The following ZNF704 variants were observed in gnomAD, a reference collection of about 807,000 sequenced individuals.
ZNF704 encodes zinc finger protein 704.
Under a neutral mutation model 44.7 loss-of-function variants are expected in ZNF704, and 10 were observed. The ratio of observed to expected loss-of-function variants is 0.22; its 90% CI spans 0.14 to 0.38. ZNF704 has a LOEUF of 0.38. ZNF704 is among the 10% of genes least tolerant of loss of function. ZNF704 has a pLI of 1.00. For synonymous variants in ZNF704, 211 were observed against 207.6 expected (o/e 1.02, Z -0.14); for missense variants, 390 against 545.5 (o/e 0.71, Z 2.84).
At chr8:80,680,973 T>C (rs1369516093) in intron 4 of ZNF704, among the ~76,000 whole-genome samples, 1 of 152,226 alleles carries the variant, frequency 6.6e-6, no homozygotes, top group Non-Finnish European at 1.5e-5. Context: ...CCAGAATGTA[T>C]TCTTTTGTGC....
At chr8:80,722,557 A>T (rs1806391395) in intron 2 of ZNF704, among the ~76,000 whole-genome samples, 1 of 152,262 alleles carries the variant, frequency 6.6e-6, no homozygotes, top group Non-Finnish European at 1.5e-5. Context: ...GTTATTTAAA[A>T]GCAAAAGAAG....
At chr8:80,681,055 CCCTTTT>C (rs1818445444) in intron 4 of ZNF704, among the ~76,000 whole-genome samples, 1 of 152,000 alleles carries the variant, frequency 6.6e-6, no homozygotes, top group Non-Finnish European at 1.5e-5. Context: ...GTAGTTTGCT[CCCTTTT>C]ATGTGGTGAA....
At chr8:80,830,815 T>C (rs180729630) in intron 1 of ZNF704, among the ~76,000 whole-genome samples, 7 of 145,842 alleles carry the variant, frequency 4.8e-5, no homozygotes, top group African/African-American at 1.5e-4. Context: ...TGGAGTGCAG[T>C]GGCACAATCT....
intron 4 of ZNF704, among the ~76,000 whole-genome samples, chr8:80,679,718 T>G (rs1012914018): frequency 3.3e-5 from 5 of 152,248 alleles, no homozygotes; most frequent in Admixed American, 6.5e-5. Context: ...GGAACCACTC[T>G]GTGCCTGGTC....
intron 2 of ZNF704, among the ~76,000 whole-genome samples, chr8:80,818,477 TA>T (rs1808213140): frequency 6.6e-6 from 1 of 152,176 alleles, no homozygotes; most frequent in South Asian, 2.1e-4. Flanking sequence ...TATTTAAATA[TA>T]ACCTAGCACA....
At chr8:80,861,954 A>T (rs1221839297) in intron 1 of ZNF704, among the ~76,000 whole-genome samples, 1 of 151,360 alleles carries the variant, frequency 6.6e-6, no homozygotes, top group Non-Finnish European at 1.5e-5. Flanking sequence ...AGTTCAATAA[A>T]ATAGCCATGT....
At chr8:80,742,624 A>T (rs1806779491) in intron 2 of ZNF704, among the ~76,000 whole-genome samples, 1 of 152,216 alleles carries the variant, frequency 6.6e-6, no homozygotes, top group Non-Finnish European at 1.5e-5. Context: ...CCAGAATCAA[A>T]GGTGTAAAAC....
chr8:80,775,965 C>A (rs886839602), intron 2 of ZNF704, among the ~76,000 whole-genome samples: 1 of 152,096 alleles, frequency 6.6e-6, no homozygotes, highest in African/African-American at 2.4e-5. Flanking sequence ...AAAATTTATA[C>A]CGTTTGTATT....
At chr8:80,817,863 T>C (rs1808201969) in intron 2 of ZNF704, among the ~76,000 whole-genome samples, 1 of 152,168 alleles carries the variant, frequency 6.6e-6, no homozygotes, top group Non-Finnish European at 1.5e-5. Context: ...CCAGTCCTAA[T>C]GGGAAGGGAG....
At chr8:80,727,157 T>C (rs560866394) in intron 2 of ZNF704, among the ~76,000 whole-genome samples, 1 of 152,306 alleles carries the variant, frequency 6.6e-6, no homozygotes, top group Non-Finnish European at 1.5e-5. Context: ...TACTGCCAGG[T>C]AGAATAGCAA....
intron 1 of ZNF704, among the ~76,000 whole-genome samples, chr8:80,828,440 G>A (rs1360687107): frequency 2.0e-5 from 3 of 152,174 alleles, no homozygotes; most frequent in Admixed American, 6.5e-5. Context: ...ATTGTACAAA[G>A]ATGAGTCTAT....
At chr8:80,724,799 T>A (rs985545071) in intron 2 of ZNF704, among the ~76,000 whole-genome samples, 9 of 152,142 alleles carry the variant, frequency 5.9e-5, no homozygotes, top group African/African-American at 2.2e-4. Flanking sequence ...GTCCTTCCCC[T>A]CAAAACGATA....
chr8:80,671,177 G>A (rs562701295), intron 4 of ZNF704, among the ~76,000 whole-genome samples: 2 of 152,200 alleles, frequency 1.3e-5, no homozygotes, highest in East Asian at 3.9e-4. Context: ...ACCCAGGCTG[G>A]AGTGCAGCGG....
At chr8:80,696,543 G>GA (rs1818728087) in intron 2 of ZNF704, among the ~76,000 whole-genome samples, 1 of 152,066 alleles carries the variant, frequency 6.6e-6, no homozygotes, top group Non-Finnish European at 1.5e-5. Flanking sequence ...TCAGCCTCCC[G>GA]AGTAGCTGGG....
chr8:80,728,494 G>A (rs1806522577), intron 2 of ZNF704, among the ~76,000 whole-genome samples: 1 of 152,172 alleles, frequency 6.6e-6, no homozygotes, highest in Non-Finnish European at 1.5e-5. Flanking sequence ...AAAGGAGGTG[G>A]GGGAGAGTAG....
intron 2 of ZNF704, among the ~76,000 whole-genome samples, chr8:80,816,254 G>T (rs1808175394): frequency 6.6e-6 from 1 of 152,204 alleles, no homozygotes; most frequent in South Asian, 2.1e-4. Context: ...CTTCCACTGA[G>T]ATGAATGAAA....
chr8:80,677,720 TCA>T (rs1267596712), intron 4 of ZNF704, among the ~76,000 whole-genome samples: 13 of 152,306 alleles, frequency 8.5e-5, no homozygotes, highest in South Asian at 6.2e-4. Context: ...TCCCAGTGCC[TCA>T]CAGTGTCTGG....
At chr8:80,773,793 C>T (rs577277877) in intron 2 of ZNF704, among the ~76,000 whole-genome samples, 21 of 152,162 alleles carry the variant, frequency 1.4e-4, no homozygotes, top group African/African-American at 4.1e-4. Flanking sequence ...CATTTCTTTG[C>T]TGAGCCTTTC....
At chr8:80,705,195 C>A (rs1818876520) in intron 2 of ZNF704, among the ~76,000 whole-genome samples, 1 of 152,180 alleles carries the variant, frequency 6.6e-6, no homozygotes. Flanking sequence ...CCTTCTGGGA[C>A]TGCCACTGAG....
Sources: gnomAD v4.1 joint callset for allele counts (sites outside exome capture counted in the v4.1 genomes callset) on GRCh38, gnomAD v4.1.1 for gene constraint, MANE v1.5 for transcripts, NCBI Gene and HGNC (gene_info 2026-07-23, HGNC 2026-07-21) for gene names.